Variants in TRPC5 observed in about 807,000 individuals in gnomAD.
TRPC5 encodes short transient receptor potential channel 5.
A neutral mutation model predicts 56.5 loss-of-function variants in TRPC5; 9 were observed. The observed-to-expected ratio is 0.16, with a 90% CI of 0.10 to 0.28. The LOEUF is 0.28. Among genes scored for constraint, TRPC5 ranks in the 10% least tolerant of loss-of-function variants. The pLI is 1.00. For missense variants in TRPC5, 469 were observed against 748.9 expected (o/e 0.63, Z 4.36); for synonymous variants, 282 against 278.5 (o/e 1.01, Z -0.13).
chrX:111,938,972 T>A (rs56705253), intron 2 of TRPC5, among the ~76,000 whole-genome samples: 1,256 of 112,126 alleles, frequency 0.011, 15 homozygotes, highest in African/African-American at 0.038. Context: ...AAAGTGGGCA[T>A]CCTTGTCTTA....
chrX:112,029,829 CTT>C (rs35476875), intron 1 of TRPC5, among the ~76,000 whole-genome samples: 22 of 98,634 alleles, frequency 2.2e-4, no homozygotes, highest in Non-Finnish European at 1.9e-4. Context: ...AAGCCTCATC[CTT>C]TTTTTTTTTT....
chrX:111,825,764 A>G (rs1682645520), intron 7 of TRPC5, among the ~76,000 whole-genome samples: 1 of 111,922 alleles, frequency 8.9e-6, no homozygotes, highest in Non-Finnish European at 1.9e-5. Flanking sequence ...GCTTGAGCCA[A>G]GACGGGGAGT....
chrX:112,051,764 A>G (rs1244807625), intron 1 of TRPC5, among the ~76,000 whole-genome samples: 1 of 111,958 alleles, frequency 8.9e-6, no homozygotes, highest in Non-Finnish European at 1.9e-5. Flanking sequence ...AACTACACCC[A>G]TTAAACAACC....
chrX:111,902,744 A>C (rs754472428), intron 3 of TRPC5: 1 of 112,247 alleles, frequency 8.9e-6, no homozygotes, highest in African/African-American at 3.2e-5. Context: ...AAAGAGTACT[A>C]TCTACCAGAT....
intron 1 of TRPC5, among the ~76,000 whole-genome samples, chrX:112,050,426 T>G (rs769175994): frequency 4.5e-5 from 5 of 112,285 alleles, no homozygotes; most frequent in African/African-American, 1.6e-4. Flanking sequence ...ATTGGTTTGA[T>G]GAAAGCCAAA....
chrX:111,994,421 T>G (rs1928459594), intron 1 of TRPC5, among the ~76,000 whole-genome samples: 1 of 111,595 alleles, frequency 9.0e-6, no homozygotes, highest in South Asian at 3.8e-4. Context: ...TTAAAGTAGT[T>G]TTTTCCAATT....
intron 7 of TRPC5, among the ~76,000 whole-genome samples, chrX:111,823,508 A>T (rs1423821612): frequency 9.0e-6 from 1 of 111,503 alleles, no homozygotes; most frequent in Admixed American, 9.6e-5. Flanking sequence ...TGTCATACAA[A>T]CGAACTTGGT....
At chrX:111,844,029 G>GT (rs923725519) in intron 6 of TRPC5, among the ~76,000 whole-genome samples, 5 of 109,365 alleles carry the variant, frequency 4.6e-5, no homozygotes, top group African/African-American at 1.7e-4. Context: ...TTGATGATGT[G>GT]TTTCATGAGG....
intron 2 of TRPC5, among the ~76,000 whole-genome samples, chrX:111,947,171 C>T (rs905523215): frequency 8.1e-5 from 9 of 111,195 alleles, no homozygotes; most frequent in African/African-American, 2.9e-4. Context: ...AACTTCTGTG[C>T]TGGGAATCCT....
chrX:111,791,512 A>G (rs1014858051), intron 7 of TRPC5, among the ~76,000 whole-genome samples: 20 of 112,434 alleles, frequency 1.8e-4, no homozygotes, highest in African/African-American at 6.1e-4. Flanking sequence ...AGGGGCAGCC[A>G]TTAATTTCCA....
At chrX:112,027,999 G>T (rs12011922) in intron 1 of TRPC5, among the ~76,000 whole-genome samples, 11,426 of 111,806 alleles carry the variant, frequency 0.1, 644 homozygotes, top group African/African-American at 0.21. Context: ...TCTATCCCAG[G>T]TGTCAGACTT....
chrX:112,074,962 C>T (rs1930801398), intron 1 of TRPC5, among the ~76,000 whole-genome samples: 1 of 112,186 alleles, frequency 8.9e-6, no homozygotes, highest in Admixed American at 9.4e-5. Flanking sequence ...TGTGAAAATC[C>T]TCTCTTTTGC....
At chrX:112,077,476 A>G in intron 1 of TRPC5, among the ~76,000 whole-genome samples, 1 of 112,079 alleles carries the variant, frequency 8.9e-6, no homozygotes, top group Non-Finnish European at 1.9e-5. Flanking sequence ...ATAAAAATGA[A>G]TCACTGGGGA....
chrX:111,856,409 G>A (rs912873148), intron 3 of TRPC5, among the ~76,000 whole-genome samples: 6 of 108,480 alleles, frequency 5.5e-5, no homozygotes, highest in South Asian at 4.1e-4. Context: ...GCGTGTTGGC[G>A]TGTACCTTAA....
At chrX:111,907,475 A>G (rs1452997471) in intron 3 of TRPC5, among the ~76,000 whole-genome samples, 5 of 109,578 alleles carry the variant, frequency 4.6e-5, no homozygotes, top group Non-Finnish European at 9.5e-5. Flanking sequence ...AAATACAAAA[A>G]TTAGCCAGGC....
At chrX:112,028,672 A>T (rs752895289) in intron 1 of TRPC5, among the ~76,000 whole-genome samples, 1 of 112,038 alleles carries the variant, frequency 8.9e-6, no homozygotes, top group East Asian at 2.8e-4. Context: ...ATCCAGTCTA[A>T]CATTGATGGA....
intron 1 of TRPC5, among the ~76,000 whole-genome samples, chrX:112,046,870 C>T (rs1030461084): frequency 3.6e-5 from 4 of 111,252 alleles, no homozygotes; most frequent in Admixed American, 9.5e-5. Flanking sequence ...CATCTCTGTC[C>T]GCTTCTCTCT....
chrX:112,033,225 G>C (rs1484611246), intron 1 of TRPC5, among the ~76,000 whole-genome samples: 1 of 75,200 alleles, frequency 1.3e-5, no homozygotes, highest in Non-Finnish European at 2.5e-5. Context: ...GTAGTGGGGT[G>C]GGGGGAGGGG....
chrX:112,006,466 A>G (rs1002080725), intron 1 of TRPC5, among the ~76,000 whole-genome samples: 1 of 111,570 alleles, frequency 9.0e-6, no homozygotes, highest in Non-Finnish European at 1.9e-5. Context: ...CACTGTTGGT[A>G]TCTCTTTTTT....
Sources: allele counts gnomAD v4.1 joint callset (sites outside exome capture counted in the v4.1 genomes callset), GRCh38; gene constraint gnomAD v4.1.1; transcripts MANE v1.5; gene names NCBI Gene and HGNC (gene_info 2026-07-23, HGNC 2026-07-21).